Variants in C8A observed in about 807,000 individuals in gnomAD.
C8A encodes the protein complement C8 alpha chain.
C8A carries 67 observed loss-of-function variants against 65.3 expected under a neutral mutation model. That is an observed-to-expected ratio of 1.03 (90% CI 0.84 to 1.26). C8A has a LOEUF of 1.26. Ranked by LOEUF, C8A falls within the 50% of genes most tolerant of loss-of-function variation. The pLI is 0.00. For missense variants in C8A, 781 were observed against 723.9 expected (o/e 1.08, Z -0.90); for synonymous variants, 290 against 259.4 (o/e 1.12, Z -1.13).
intron 2 of C8A, among the ~76,000 whole-genome samples, chr1:56,869,046 T>A (rs74989063): frequency 0.027 from 4,135 of 152,286 alleles, 79 homozygotes; most frequent in Non-Finnish European, 0.039. Flanking sequence ...TTCAATAGTG[T>A]TTGGGAAACG....
chr1:56,877,423 A>C (rs1018043714), intron 4 of C8A, among the ~76,000 whole-genome samples: 1 of 152,038 alleles, frequency 6.6e-6, no homozygotes, highest in African/African-American at 2.4e-5. Context: ...GCTCTTACCC[A>C]ATAGGCTGGG....
At chr1:56,858,198 G>C (rs1643996368) in intron 1 of C8A, among the ~76,000 whole-genome samples, 1 of 151,794 alleles carries the variant, frequency 6.6e-6, no homozygotes, top group Non-Finnish European at 1.5e-5. Context: ...CATTATTTCT[G>C]TTTCGTTGGT....
At chr1:56,897,801 T>C in intron 7 of C8A, among the ~76,000 whole-genome samples, 1 of 152,132 alleles carries the variant, frequency 6.6e-6, no homozygotes, top group East Asian at 1.9e-4. Context: ...CTAATCTCCA[T>C]TCATCCATTC....
chr1:56,867,471 C>A, intron 1 of C8A, 138 bp from the exon 2 acceptor site: 1 of 708,550 alleles, frequency 1.4e-6, no homozygotes, highest in Non-Finnish European at 2.6e-6. Flanking sequence ...GGCATTTCTA[C>A]ATAAAGTAGG....
chr1:56,868,915 T>C (rs1644117192), intron 2 of C8A, among the ~76,000 whole-genome samples: 1 of 152,222 alleles, frequency 6.6e-6, no homozygotes. Context: ...AGTACCTACT[T>C]TCTAGAATTA....
At chr1:56,885,429 T>TATATATTTATTTAAATATATATTTAA in intron 6 of C8A, among the ~76,000 whole-genome samples, 1 of 103,494 alleles carries the variant, frequency 9.7e-6, no homozygotes, top group African/African-American at 5.5e-5. Context: ...TATATTTAAA[T>TATATATTTATTTAAATATATATTTAA]ATATATTTAA....
At chr1:56,899,540 AC>A (rs1334227361) in intron 7 of C8A, among the ~76,000 whole-genome samples, 1 of 152,172 alleles carries the variant, frequency 6.6e-6, no homozygotes, top group African/African-American at 2.4e-5. Context: ...GAATATCTCC[AC>A]CCAGTACATA....
Position 56,917,752 on chromosome 1 carries a change from A to T in C8A, c.*36A>T, listed in dbSNP as rs758345946. On this transcript the variant is annotated 3_prime_UTR_variant, in exon 11 of 11. Transcript: ENST00000361249. ...ACACAGGCTGGACCAGATGCTGTGG[A>T]TGTCGACCCCTGCACTGACTATTGG... 6.2e-7 allele frequency: 1 copy of T among 1,612,420 alleles called. No individual in the cohort carries two copies. The highest frequency in any genetic ancestry group is 1.3e-5 in the African/African-American group (1 of 75,018).
chr1:56,889,633 A>G (rs1362608856), intron 7 of C8A, among the ~76,000 whole-genome samples: 1 of 152,102 alleles, frequency 6.6e-6, no homozygotes, highest in Non-Finnish European at 1.5e-5. Context: ...TCTAAGAGAC[A>G]TCCTGTGTGG....
intron 10 of C8A, 133 bp from the exon 11 acceptor site, chr1:56,917,432 G>T: frequency 1.2e-6 from 1 of 836,276 alleles, no homozygotes; most frequent in Non-Finnish European, 2.0e-6. Flanking sequence ...CCAACAAGCT[G>T]CAGTCGACCA....
chr1:56,903,192 CA>C (rs1266362274), intron 7 of C8A, among the ~76,000 whole-genome samples: 1 of 152,162 alleles, frequency 6.6e-6, no homozygotes, highest in African/African-American at 2.4e-5. Flanking sequence ...TCTTGAATTG[CA>C]GTTCCCAAAA....
intron 7 of C8A, among the ~76,000 whole-genome samples, chr1:56,886,762 A>C (rs935157444): frequency 6.6e-6 from 1 of 152,202 alleles, no homozygotes; most frequent in Admixed American, 6.5e-5. Flanking sequence ...TCTACTTCAC[A>C]GATCTGATTA....
rs77611871 is a variant in C8A, at chr1:56,867,130, T to G, written c.78-479T>G. ...AAATCATCTTGTAGTAAACCTTTCATAAGCATTTCAATACACTTTCAATAA... is the reference window on the plus strand; with the variant it reads ...AAATCATCTTGTAGTAAACCTTTCAGAAGCATTTCAATACACTTTCAATAA... On this transcript the variant is annotated intron_variant, in intron 1 of 10. Coordinates refer to ENST00000361249, the MANE Select transcript of C8A (RefSeq NM_000562.3). Among the ~76,000 whole-genome samples, 387 of 152,344 alleles carry G rather than the reference T, an allele frequency of 2.5e-3. 3 individuals carry two copies. The highest frequency in any genetic ancestry group is 8.9e-3 in the African/African-American group (372 of 41,590).
At position 56,901,299 on chromosome 1, in the gene C8A, G is replaced by A. The variant is rs193143246; in HGVS notation, c.1097-5368G>A. ...ATGAATGGTATTTGTTTTTTGCAAA[G>A]AGATAATGAACTACACCTGCTGTTT... is the stretch of plus-strand genomic sequence containing the variant. On this transcript the variant is annotated intron_variant, in intron 7 of 10. Transcript: ENST00000361249. Among the ~76,000 whole-genome samples, 447 of 152,232 alleles carry A rather than the reference G, an allele frequency of 2.9e-3. 3 individuals are homozygous for A. Among genetic ancestry groups the A allele is most frequent in the South Asian group, 0.014 (68 of 4,828 alleles).
chr1:56,870,728 CT>C (rs1413022175), intron 2 of C8A, among the ~76,000 whole-genome samples: 1 of 148,272 alleles, frequency 6.7e-6, no homozygotes, highest in East Asian at 1.9e-4. Flanking sequence ...AAGACAATGA[CT>C]TGCAGTTTAA....
At chr1:56,876,698 T>C (rs369138300) in intron 4 of C8A, among the ~76,000 whole-genome samples, 2 of 152,032 alleles carry the variant, frequency 1.3e-5, no homozygotes, top group East Asian at 1.9e-4. Context: ...TTCCCATTGC[T>C]TACTTAAACC....
At chr1:56,903,517 C>T (rs114721611) in intron 7 of C8A, among the ~76,000 whole-genome samples, 143 of 152,328 alleles carry the variant, frequency 9.4e-4, no homozygotes, top group African/African-American at 3.2e-3. Context: ...TGGACTAATA[C>T]ACTTGGTCAG....
At position 56,885,338 on chromosome 1, in the gene C8A, TTACATAAATA is replaced by T. The variant is rs1195650632; in HGVS notation, c.856-586_856-577del. Among the ~76,000 whole-genome samples the T allele has an allele frequency of 5.3e-5, 7 of 132,594 alleles. 1 individual carries two copies. The highest frequency in any genetic ancestry group is 8.7e-5 in the Admixed American group (1 of 11,522). The allele number at this position is 132,594 out of a possible 152,430, so 87.0% of individuals were successfully genotyped here. A position where few individuals can be genotyped will look rare whatever the true frequency, so the allele number is the denominator to read the frequency against. On this transcript the variant is annotated intron_variant, in intron 6 of 10. Transcript: ENST00000361249. ...TAAATATATTTATTTAAATATATATTTACATAAATATATATTTATGTAAATATATATTTAT... is the reference window on the plus strand; with the variant it reads ...TAAATATATTTATTTAAATATATATTTATATTTATGTAAATATATATTTAT...
At chr1:56,895,888 G>A (rs1483237797) in intron 7 of C8A, among the ~76,000 whole-genome samples, 1 of 152,134 alleles carries the variant, frequency 6.6e-6, no homozygotes, top group Admixed American at 6.6e-5. Flanking sequence ...GGTCGAGGTT[G>A]CAGTGAGCCA....
Sources: gnomAD v4.1 joint callset for allele counts (sites outside exome capture counted in the v4.1 genomes callset) on GRCh38, gnomAD v4.1.1 for gene constraint, MANE v1.5 for transcripts, NCBI Gene and HGNC (gene_info 2026-07-23, HGNC 2026-07-21) for gene names.